TG: variants seen among roughly 807,000 people sequenced by gnomAD.
The protein encoded by TG is thyroglobulin, also known as thyroid hormones.
A neutral mutation model predicts 324.7 loss-of-function variants in TG; 270 were observed. The observed-to-expected ratio is 0.83, with a 90% CI of 0.75 to 0.92. The LOEUF (loss-of-function observed/expected upper bound fraction) is 0.92. Among genes scored for constraint, TG ranks in the 40% least tolerant of loss-of-function variants. TG has a pLI of 0.00. For missense variants in TG, 3,591 were observed against 3,456.4 expected (o/e 1.04, Z -0.98); for synonymous variants, 1,401 against 1,327.0 (o/e 1.06, Z -1.21).
chr8:132,933,749 G>A, intron 24 of TG, 73 bp downstream of exon 24: 1 of 1,396,216 alleles, frequency 7.2e-7, no homozygotes, highest in Non-Finnish European at 1.0e-6. Flanking sequence ...GGAGCGGGCA[G>A]CAGGCTGGCC....
At chr8:133,050,647 A>G in intron 41 of TG, 1 of 597,836 alleles carries the variant, frequency 1.7e-6, no homozygotes, top group Non-Finnish European at 3.0e-6. Flanking sequence ...GTTCTAGAGC[A>G]CTGGCCACAT....
At chr8:133,009,866 G>T (rs1052092209) in intron 35 of TG, among the ~76,000 whole-genome samples, 1 of 151,712 alleles carries the variant, frequency 6.6e-6, no homozygotes, top group African/African-American at 2.4e-5. Flanking sequence ...ATAAATGTTT[G>T]TTGTTTAAGC....
intron 47 of TG, 82 bp downstream of exon 47, chr8:133,133,742 C>G: frequency 6.7e-7 from 1 of 1,499,772 alleles, no homozygotes; most frequent in Non-Finnish European, 9.1e-7. Context: ...ACCTGTGCTG[C>G]GCGCGCATTG....
chr8:132,869,427 C>T (rs1309816509), intron 2 of TG, among the ~76,000 whole-genome samples: 3 of 152,146 alleles, frequency 2.0e-5, no homozygotes, highest in Admixed American at 1.3e-4. Context: ...TGCCTGAGGA[C>T]ACTTGGTGGA....
Position 132,893,853 on chromosome 8 carries a change from C to T in TG, c.2925C>T (p.Leu975=), listed in dbSNP as rs1204476179. Residue 975 remains leucine (L), a synonymous_variant, in exon 11 of 48, where the codon CTC becomes CTT. Coordinates refer to ENST00000220616, the MANE Select transcript of TG (RefSeq NM_003235.5). ...ATGAGGACCTCGGCCTTCCTCCGCT[C>T]TTCCCGCCCCGGGAGGCTTTCGCGG... is the stretch of plus-strand genomic sequence containing the variant. ...LRNEDLGLPP[L]FPPREAFAEQ... 6.2e-7 allele frequency: 1 copy of T among 1,614,030 alleles called. No individual in the cohort carries two copies. Among genetic ancestry groups the T allele is most frequent in the South Asian group, 1.1e-5 (1 of 91,082 alleles).
At chr8:133,053,427 C>A (rs1273417361) in intron 41 of TG, among the ~76,000 whole-genome samples, 2 of 152,158 alleles carry the variant, frequency 1.3e-5, no homozygotes, top group East Asian at 3.8e-4. Context: ...CCCTGTGCTG[C>A]AATGCCCCTT....
At chr8:132,937,208 AGTACAGGT>A (rs1002790006) in intron 25 of TG, among the ~76,000 whole-genome samples, 1 of 152,062 alleles carries the variant, frequency 6.6e-6, no homozygotes, top group Non-Finnish European at 1.5e-5. Flanking sequence ...GGAGAAGGGG[AGTACAGGT>A]GTCACTCTCT....
intron 41 of TG, among the ~76,000 whole-genome samples, chr8:133,058,067 G>A (rs1490494179): frequency 6.6e-6 from 1 of 152,204 alleles, no homozygotes. Flanking sequence ...CGGATGAGCA[G>A]CCATAGGAGC....
Position 132,961,057 on chromosome 8 carries a change from G to A in TG, c.5451G>A (p.Gln1817=). 1 of 1,614,010 alleles carries A rather than the reference G, an allele frequency of 6.2e-7. No individual in the cohort carries two copies. Among genetic ancestry groups the A allele is most frequent in the Non-Finnish European group, 8.5e-7 (1 of 1,179,958 alleles). ...AAGACACCTTTACCAATTTTCAGCA[G>A]GTTTATCTCTGGAAAGGTGAGCTCC... ...GTQDTFTNFQ[Q]VYLWKDSDMG... Residue 1817 remains glutamine (Q), a synonymous_variant, in exon 28 of 48, where the codon CAG becomes CAA. Transcript: ENST00000220616.
intron 41 of TG, among the ~76,000 whole-genome samples, chr8:133,042,550 G>GT (rs1255935842): frequency 6.6e-6 from 1 of 151,688 alleles, no homozygotes; most frequent in Non-Finnish European, 1.5e-5. Flanking sequence ...TCCCCATGTT[G>GT]TAAGTAAAAA....
chr8:133,015,088 G>T (rs977459826), intron 37 of TG, among the ~76,000 whole-genome samples: 2 of 152,142 alleles, frequency 1.3e-5, no homozygotes, highest in Non-Finnish European at 2.9e-5. Flanking sequence ...GGCCAGGCTG[G>T]TCTTGAACTC....
chr8:133,029,377 C>G (rs1305074609), intron 40 of TG, among the ~76,000 whole-genome samples: 2 of 152,154 alleles, frequency 1.3e-5, no homozygotes, highest in Admixed American at 1.3e-4. Flanking sequence ...CCTGGCCTGG[C>G]CATTGTCAGG....
chr8:132,919,728 T>C (rs1302544912), intron 21 of TG, among the ~76,000 whole-genome samples: 1 of 152,170 alleles, frequency 6.6e-6, no homozygotes, highest in Non-Finnish European at 1.5e-5. Context: ...CAGCCAAACA[T>C]GTCTCCAGAC....
rs1390957404 is a variant in TG at position 132,990,482 on chromosome 8, A to G, written c.6262+7070A>G. ...GTTTTGAAAATATACACTAATTGTTAGCCATCTTCCCACTACAGTGCTACA... is the reference window on the plus strand; with the variant it reads ...GTTTTGAAAATATACACTAATTGTTGGCCATCTTCCCACTACAGTGCTACA... On this transcript the variant is annotated intron_variant, in intron 35 of 47. Coordinates refer to ENST00000220616, the MANE Select transcript of TG (RefSeq NM_003235.5). 2.6e-5 allele frequency among the ~76,000 whole-genome samples: 4 copies of G among 152,086 alleles called. No homozygotes were observed. In the East Asian group the frequency reaches 7.7e-4, roughly 29 times the overall value.
intron 27 of TG, among the ~76,000 whole-genome samples, chr8:132,952,245 A>C (rs1410452907): frequency 6.6e-6 from 1 of 152,206 alleles, no homozygotes; most frequent in Non-Finnish European, 1.5e-5. Flanking sequence ...GGAGCAGCAG[A>C]GTGGTGCTGA....
At chr8:133,058,262 C>T (rs1035427350) in intron 41 of TG, among the ~76,000 whole-genome samples, 2 of 152,136 alleles carry the variant, frequency 1.3e-5, no homozygotes, top group Non-Finnish European at 1.5e-5. Flanking sequence ...GTTGAAAAAG[C>T]AGCCCACCAG....
chr8:133,075,797 A>G (rs1376261837), intron 41 of TG, among the ~76,000 whole-genome samples: 2 of 152,116 alleles, frequency 1.3e-5, no homozygotes, highest in African/African-American at 4.8e-5. Flanking sequence ...AAGACACAGG[A>G]AGAGAATGAG....
At chr8:133,115,348 T>C (rs769896768) in intron 44 of TG, among the ~76,000 whole-genome samples, 1 of 152,136 alleles carries the variant, frequency 6.6e-6, no homozygotes, top group African/African-American at 2.4e-5. Flanking sequence ...ACCCGAGGCC[T>C]GCCAGTGCGT....
At chr8:132,994,379 A>G (rs777985490) in intron 35 of TG, among the ~76,000 whole-genome samples, 11 of 152,162 alleles carry the variant, frequency 7.2e-5, no homozygotes, top group Non-Finnish European at 1.5e-4. Context: ...GAGAGCAGAG[A>G]TTCAAAACTT....
Sources: allele counts gnomAD v4.1 joint callset (sites outside exome capture counted in the v4.1 genomes callset), GRCh38; gene constraint gnomAD v4.1.1; transcripts MANE v1.5; gene names NCBI Gene and HGNC (gene_info 2026-07-23, HGNC 2026-07-21).